Variants in MAD1L1 observed in about 807,000 individuals in gnomAD.
MAD1L1 encodes the protein mitotic arrest deficient 1 like 1, also known as mitotic spindle assembly checkpoint protein MAD1.
In MAD1L1, 95 loss-of-function variants were observed where a neutral mutation model predicts 96.9. The ratio of observed to expected loss-of-function variants is 0.98; its 90% confidence interval spans 0.83 to 1.16. MAD1L1 has a LOEUF of 1.16. Among genes scored for constraint, MAD1L1 ranks in the 50% most tolerant of loss-of-function variants. MAD1L1 has a pLI of 0.00. For synonymous variants in MAD1L1, 473 were observed against 396.6 expected, an observed-to-expected ratio of 1.19 and a Z score of -2.29; for missense variants, 1,007 against 954.4, an observed-to-expected ratio of 1.06 and a Z score of -0.73.
At chr7:1,979,616 G>C (rs1780800894) in intron 15 of MAD1L1, among the ~76,000 whole-genome samples, 1 of 152,254 alleles carries the variant, frequency 6.6e-6, no homozygotes, top group African/African-American at 2.4e-5. Flanking sequence ...GAGAGCTCTA[G>C]AAAAGCAGCC....
chr7:2,087,185 A>C (rs1037699514), intron 11 of MAD1L1, among the ~76,000 whole-genome samples: 1 of 152,176 alleles, frequency 6.6e-6, no homozygotes, highest in Non-Finnish European at 1.5e-5. Context: ...GGGGATGCTC[A>C]GTGCAACTGT....
At chr7:2,077,193 A>G (rs1406661558) in intron 11 of MAD1L1, among the ~76,000 whole-genome samples, 1 of 152,208 alleles carries the variant, frequency 6.6e-6, no homozygotes, top group African/African-American at 2.4e-5. Flanking sequence ...ACACAGCCGC[A>G]TGCACGGTGA....
chr7:1,957,643 G>A lies in MAD1L1; in HGVS notation c.1582C>T (p.Arg528Trp), dbSNP rs747276194. ...CCCGCCCTCACCTGCAGAGCTCGCC[G>A]CTCCAGCTGTGCCTCCAGCATCCTC... ...EKRMLEAQLE[R>W]RALQGDYDQS... is the part of the protein sequence containing the mutation. The change falls in exon 16 of 19, where the codon CGG becomes TGG. Residue 528 changes from arginine (R) to tryptophan (W), a missense_variant. By Grantham distance (101) the Arg-to-Trp change is moderately radical (BLOSUM62 -3). Transcript: ENST00000265854. 1.7e-5 allele frequency: 27 copies of A among 1,613,786 alleles called. No individual in the cohort carries two copies. Among genetic ancestry groups the A allele is most frequent in the Middle Eastern group, 3.3e-4 (2 of 6,084 alleles).
chr7:1,965,643 G>C (rs1192867492), intron 15 of MAD1L1, among the ~76,000 whole-genome samples: 1 of 152,380 alleles, frequency 6.6e-6, no homozygotes, highest in South Asian at 2.1e-4. Flanking sequence ...CCCTGCCTCT[G>C]CTCTTCGCAC....
chr7:2,196,931 G>A (rs1379466413), intron 10 of MAD1L1, among the ~76,000 whole-genome samples: 1 of 152,218 alleles, frequency 6.6e-6, no homozygotes, highest in African/African-American at 2.4e-5. Flanking sequence ...GGGTCAGACA[G>A]CCCCAGGGAC....
In MAD1L1 at chr7:1,968,568, C is replaced by G. The variant is rs774998788; in HGVS notation, c.1506-10849G>C. On this transcript the variant is annotated intron_variant, in intron 15 of 18. Coordinates refer to ENST00000265854, the MANE Select transcript of MAD1L1 (RefSeq NM_001013836.2). This position sits in a 1 kb window ranked among gnomAD's most constrained non-coding sequence, Gnocchi z 5.6. ...GTCCACCATCAACGCCTCAGTCCAG[C>G]GGTCAGGTCCACTGTCCACGCCTCA... Among the ~76,000 whole-genome samples the G allele has an allele frequency of 6.6e-6, 1 of 151,666 alleles. No individual in the cohort carries two copies. The highest frequency in any genetic ancestry group is 1.5e-5 in the Non-Finnish European group (1 of 67,948).
intron 12 of MAD1L1, among the ~76,000 whole-genome samples, chr7:2,053,764 G>C (rs1003085002): frequency 1.3e-5 from 2 of 152,170 alleles, no homozygotes; most frequent in Admixed American, 6.5e-5. Flanking sequence ...GGTTTCAGTA[G>C]GCTCCTGTGA....
intron 18 of MAD1L1, chr7:1,846,885 T>C: frequency 7.4e-6 from 2 of 269,504 alleles, no homozygotes; most frequent in Admixed American, 5.2e-5. Flanking sequence ...GCAGCCTGTA[T>C]GAAGCTGCTG....
chr7:1,973,928 G>A (rs1009730957), intron 15 of MAD1L1, among the ~76,000 whole-genome samples: 4 of 152,352 alleles, frequency 2.6e-5, no homozygotes, highest in African/African-American at 9.6e-5. Flanking sequence ...AGTGCCGGCT[G>A]CTGAAGGCTG....
intron 11 of MAD1L1, among the ~76,000 whole-genome samples, chr7:2,089,771 G>A (rs894119407): frequency 6.6e-6 from 1 of 152,026 alleles, no homozygotes; most frequent in African/African-American, 2.4e-5. Flanking sequence ...ACACTTCCAA[G>A]TGCACACCTT....
At chr7:1,827,594 CCGTCCCGGG>C in intron 18 of MAD1L1, among the ~76,000 whole-genome samples, 2 of 118,058 alleles carry the variant, frequency 1.7e-5, no homozygotes, top group South Asian at 2.5e-4. Flanking sequence ...CCTCCTGAGC[CCGTCCCGGG>C]TGTGGGGTCC....
chr7:2,119,114 G>C lies in MAD1L1; in HGVS notation c.1073+30038C>G, dbSNP rs562592397. On this transcript the variant is annotated intron_variant, in intron 11 of 18. Coordinates refer to ENST00000265854, the MANE Select transcript of MAD1L1 (RefSeq NM_001013836.2). The surrounding 1 kb of genome is among the most constrained non-coding windows in gnomAD (Gnocchi z 4.6). ...GGCTTCAGGGTGACTGCTGCCCGGT[G>C]CTCTTGGTGAAGCCGTGTTTCCACA... Among the ~76,000 whole-genome samples the C allele has an allele frequency of 9.9e-4, 150 of 152,244 alleles. No individual in the cohort carries two copies. Among genetic ancestry groups the C allele is most frequent in the African/African-American group, 3.5e-3 (145 of 41,540 alleles).
intron 10 of MAD1L1, among the ~76,000 whole-genome samples, chr7:2,184,211 C>T (rs1370006375): frequency 6.6e-6 from 1 of 151,768 alleles, no homozygotes; most frequent in East Asian, 1.9e-4. Flanking sequence ...GAGATCGCGC[C>T]ACTGCACTCC....
At chr7:1,870,589 A>C (rs1419048862) in intron 18 of MAD1L1, among the ~76,000 whole-genome samples, 1 of 148,474 alleles carries the variant, frequency 6.7e-6, no homozygotes, top group Non-Finnish European at 1.5e-5. Flanking sequence ...TGCCACGCTG[A>C]ACCCACCGTA....
At chr7:2,118,501 T>C (rs1297777707) in intron 11 of MAD1L1, among the ~76,000 whole-genome samples, 2 of 152,224 alleles carry the variant, frequency 1.3e-5, no homozygotes, top group Admixed American at 1.3e-4. Flanking sequence ...CCAGCATCCG[T>C]AGTGCGTGGC....
At chr7:2,090,792 G>A (rs1048308490) in intron 11 of MAD1L1, among the ~76,000 whole-genome samples, 3 of 152,164 alleles carry the variant, frequency 2.0e-5, no homozygotes, top group Admixed American at 6.5e-5. Flanking sequence ...TCATCGCTCC[G>A]GGAAGGTGCT....
At chr7:2,083,257 C>T (rs531734281) in intron 11 of MAD1L1, among the ~76,000 whole-genome samples, 1 of 152,374 alleles carries the variant, frequency 6.6e-6, no homozygotes, top group Non-Finnish European at 1.5e-5. Context: ...TCGCCCATCA[C>T]TGAGTCACCC....
intron 11 of MAD1L1, among the ~76,000 whole-genome samples, chr7:2,108,813 G>A (rs911319843): frequency 2.6e-5 from 4 of 152,222 alleles, no homozygotes; most frequent in Admixed American, 1.3e-4. Context: ...TAGGGACGCG[G>A]CAGGAGCGGC....
chr7:2,079,706 G>A (rs761029960), intron 11 of MAD1L1: 7 of 470,816 alleles, frequency 1.5e-5, no homozygotes, highest in East Asian at 6.9e-5. Flanking sequence ...ACCTGTAATC[G>A]CCTGGGCAGG....
Sources: allele counts gnomAD v4.1 joint callset (sites outside exome capture counted in the v4.1 genomes callset), GRCh38; gene constraint gnomAD v4.1.1; non-coding constraint Gnocchi (gnomAD v3.1); transcripts MANE v1.5; gene names NCBI Gene and HGNC (gene_info 2026-07-23, HGNC 2026-07-21).